USP9X: variants seen among roughly 807,000 people sequenced by gnomAD.
USP9X encodes ubiquitin specific peptidase 9 X-linked, also known as ubiquitin carboxyl-terminal hydrolase 9X.
In USP9X, 7 loss-of-function variants were observed where a neutral mutation model predicts 190.3. The ratio of observed to expected loss-of-function variants is 0.04; its 90% CI spans 0.02 to 0.07. The LOEUF is 0.07. Ranked by LOEUF, USP9X falls within the 10% of genes least tolerant of loss-of-function variation. The probability of loss-of-function intolerance (pLI) is 1.00; values close to 1 mark genes in which losing one functional copy is unlikely to be tolerated. For missense variants in USP9X, 1,010 were observed against 1,916.9 expected, an observed-to-expected ratio of 0.53 and a Z score of 8.83; for synonymous variants, 645 against 659.5, an observed-to-expected ratio of 0.98 and a Z score of 0.34.
chrX:41,165,469 G>A (rs1296326568), intron 15 of USP9X, among the ~76,000 whole-genome samples: 2 of 111,920 alleles, frequency 1.8e-5, no homozygotes, highest in Non-Finnish European at 3.8e-5. Flanking sequence ...CAGGTGATCC[G>A]CCCACCTCAG....
chrX:41,093,566 C>T (rs2061968686), intron 1 of USP9X, among the ~76,000 whole-genome samples: 1 of 111,238 alleles, frequency 9.0e-6, no homozygotes, highest in Admixed American at 9.6e-5. Flanking sequence ...CTGTCTTGAA[C>T]TCCCGACCTC....
At chrX:41,126,602 A>G (rs1310114039) in intron 2 of USP9X, among the ~76,000 whole-genome samples, 1 of 111,958 alleles carries the variant, frequency 8.9e-6, no homozygotes, top group East Asian at 2.8e-4. Context: ...TATTCAACCT[A>G]ATATTCTATG....
intron 26 of USP9X, chrX:41,189,822 A>T (rs1239961689): frequency 3.9e-5 from 5 of 129,469 alleles, no homozygotes; most frequent in African/African-American, 9.5e-5. Flanking sequence ...GGTTTTTTTT[A>T]AAGCCAAACA....
intron 3 of USP9X, among the ~76,000 whole-genome samples, chrX:41,130,434 G>A (rs978943813): frequency 2.7e-5 from 3 of 109,429 alleles, no homozygotes; most frequent in Non-Finnish European, 5.7e-5. Context: ...AAGTTCTCAG[G>A]GGGGAGAAAA....
intron 21 of USP9X, among the ~76,000 whole-genome samples, chrX:41,178,823 C>T: frequency 8.9e-6 from 1 of 112,047 alleles, no homozygotes; most frequent in South Asian, 3.7e-4. Context: ...GTGTTTTCTT[C>T]TAGTAGTTTT....
chrX:41,165,815 G>A, intron 15 of USP9X, 57 bp from the exon 16 acceptor site: 1 of 1,011,615 alleles, frequency 9.9e-7, no homozygotes. Flanking sequence ...AATACAGATT[G>A]CCTTTCCGGA....
At chrX:41,222,997 CT>C (rs2063278548) in intron 38 of USP9X, among the ~76,000 whole-genome samples, 2 of 112,190 alleles carry the variant, frequency 1.8e-5, no homozygotes, top group Admixed American at 1.9e-4. Flanking sequence ...AATGTTAATA[CT>C]TATACTCAAT....
At chrX:41,113,244 C>T (rs2062122809) in intron 1 of USP9X, among the ~76,000 whole-genome samples, 1 of 111,689 alleles carries the variant, frequency 9.0e-6, no homozygotes, top group African/African-American at 3.3e-5. Flanking sequence ...CTCTGTCGCC[C>T]GGGCTGGAGT....
chrX:41,216,552 C>T lies in USP9X; in HGVS notation c.5985C>T (p.Asn1995=), dbSNP rs1216533064. The T allele has an allele frequency of 4.1e-6, 5 of 1,209,095 alleles. No individual in the cohort carries two copies. The highest frequency in any genetic ancestry group is 2.2e-5 in the Admixed American group (1 of 45,621). Residue 1995 remains asparagine (N), a synonymous_variant, in exon 35 of 45, where the codon AAC becomes AAT. Transcript: ENST00000378308. The part of the protein sequence containing the change: ...SAIERSVRKQ[N]VQFMHNRMQY... ...TTGAGAGAAGTGTACGGAAACAGAACGTACAATTCATGCATAACCGAATGC... is the reference window on the plus strand; with the variant it reads ...TTGAGAGAAGTGTACGGAAACAGAATGTACAATTCATGCATAACCGAATGC...
intron 13 of USP9X, among the ~76,000 whole-genome samples, chrX:41,152,321 C>G (rs777291712): frequency 1.8e-5 from 2 of 112,096 alleles, no homozygotes; most frequent in East Asian, 5.6e-4. Flanking sequence ...TCGAAGTAGA[C>G]ACAGTAGTTC....
intron 38 of USP9X, among the ~76,000 whole-genome samples, chrX:41,220,823 C>T (rs1022374216): frequency 1.9e-5 from 2 of 107,033 alleles, no homozygotes; most frequent in East Asian, 2.9e-4. Flanking sequence ...GGCGTGGTGG[C>T]GGGCATCTGT....
intron 1 of USP9X, among the ~76,000 whole-genome samples, chrX:41,107,773 G>A (rs192830429): frequency 9.0e-6 from 1 of 111,294 alleles, no homozygotes; most frequent in East Asian, 2.8e-4. Flanking sequence ...TCTTTGTTCC[G>A]ACAGCTCATT....
intron 6 of USP9X, among the ~76,000 whole-genome samples, chrX:41,138,145 A>C (rs1332148319): frequency 1.8e-5 from 2 of 111,743 alleles, no homozygotes; most frequent in East Asian, 5.6e-4. Flanking sequence ...TATTCTATGG[A>C]GTTACCTTCA....
chrX:41,228,098 G>A (rs759080392), intron 41 of USP9X, among the ~76,000 whole-genome samples: 24 of 111,466 alleles, frequency 2.2e-4, no homozygotes, highest in Admixed American at 7.6e-4. Flanking sequence ...TCTGTTCTCT[G>A]TCTCTGTGGA....
At chrX:41,091,442 T>TA (rs1187339231) in intron 1 of USP9X, among the ~76,000 whole-genome samples, 1 of 112,160 alleles carries the variant, frequency 8.9e-6, no homozygotes, top group Non-Finnish European at 1.9e-5. Context: ...TTTTTCTATT[T>TA]AATTTACTTT....
At position 41,229,782 on chromosome X, in the gene USP9X, A is replaced by G; in HGVS notation, c.7431+3A>G. The G allele has an allele frequency of 8.3e-7, 1 of 1,211,357 alleles. No individual in the cohort carries two copies. Among genetic ancestry groups the G allele is most frequent in the Non-Finnish European group, 1.1e-6 (1 of 895,080 alleles). On this transcript the variant is annotated splice_donor_region_variant and intron_variant, in intron 43 of 44. Coordinates refer to ENST00000378308, the MANE Select transcript of USP9X (RefSeq NM_001039591.3). ...CTTGTGAACTCTGTCCAGAGGAGGT[A>G]AAAAAAGCCACCAGTGTGCAGCAGA...
rs2147242590 is a variant in USP9X, at chrX:41,214,834, C to G, written c.5331+125C>G. On this transcript the variant is annotated intron_variant, in intron 34 of 44. Coordinates refer to ENST00000378308, the MANE Select transcript of USP9X (RefSeq NM_001039591.3). The stretch of plus-strand genomic sequence containing the variant: ...TTCTCCTACTTTGGTATAGTGGTAG[C>G]AGAGAAGTAGTCAATATGATAACTA... 6 of 709,803 alleles carry G rather than the reference C, an allele frequency of 8.5e-6. No individual in the cohort carries two copies. The South Asian group carries it at 1.9e-4, about 23-fold the overall frequency. The allele number at this position is 709,803 out of a possible 1,213,427, so 58.5% of individuals were successfully genotyped here.
At chrX:41,104,098 G>A (rs1322234801) in intron 1 of USP9X, among the ~76,000 whole-genome samples, 1 of 111,552 alleles carries the variant, frequency 9.0e-6, no homozygotes, top group African/African-American at 3.3e-5. Context: ...ACAGGTTCTC[G>A]CTCTGTCACC....
chrX:41,205,581 A>G (rs772939772), intron 32 of USP9X, 88 bp downstream of exon 32: 2 of 900,810 alleles, frequency 2.2e-6, no homozygotes, highest in African/African-American at 4.2e-5. Context: ...ACATGTTGGA[A>G]GGCATCTTTT....
Sources: gnomAD v4.1 joint callset for allele counts (sites outside exome capture counted in the v4.1 genomes callset) on GRCh38, gnomAD v4.1.1 for gene constraint, MANE v1.5 for transcripts, NCBI Gene and HGNC (gene_info 2026-07-23, HGNC 2026-07-21) for gene names.